The following RBM20 variants were observed in gnomAD, a reference collection of about 807,000 sequenced individuals.
RBM20 encodes RNA-binding protein 20.
RBM20 carries 51 observed loss-of-function variants against 110.1 expected under a neutral mutation model. The observed-to-expected ratio is 0.46, with a 90% confidence interval of 0.37 to 0.59. The LOEUF is 0.59. Among genes scored for constraint, RBM20 ranks in the 20% least tolerant of loss-of-function variants. The probability of loss-of-function intolerance (pLI) is 0.00; values close to 1 mark genes in which losing one functional copy is unlikely to be tolerated. For missense variants in RBM20, 1,512 were observed against 1,574.9 expected (o/e 0.96, Z 0.68); for synonymous variants, 589 against 618.2 (o/e 0.95, Z 0.70).
At chr10:110,708,338 T>C (rs989333106) in intron 1 of RBM20, among the ~76,000 whole-genome samples, 1 of 152,246 alleles carries the variant, frequency 6.6e-6, no homozygotes, top group Admixed American at 6.5e-5. Context: ...TTAATCCTAA[T>C]CTTAACTAAC....
At chr10:110,708,148 T>A (rs1417656277) in intron 1 of RBM20, among the ~76,000 whole-genome samples, 1 of 152,182 alleles carries the variant, frequency 6.6e-6, no homozygotes, top group Admixed American at 6.5e-5. Flanking sequence ...TAGGGCCCCA[T>A]GCTTAAAGGG....
chr10:110,767,726 C>G (rs1194884707), intron 1 of RBM20, among the ~76,000 whole-genome samples: 1 of 145,408 alleles, frequency 6.9e-6, no homozygotes, highest in Admixed American at 6.9e-5. Context: ...ACATCTCAGA[C>G]GATGGGCGGC....
chr10:110,657,259 C>T (rs1464602154), intron 1 of RBM20, among the ~76,000 whole-genome samples: 1 of 152,006 alleles, frequency 6.6e-6, no homozygotes, highest in Non-Finnish European at 1.5e-5. Context: ...TCGTGATCCA[C>T]CTGCCTTGAC....
At chr10:110,731,653 C>CTCG (rs1843621980) in intron 1 of RBM20, among the ~76,000 whole-genome samples, 3 of 151,402 alleles carry the variant, frequency 2.0e-5, no homozygotes, top group South Asian at 2.1e-4. Context: ...TCATTTCTCC[C>CTCG]TCTTGTTATC....
intron 9 of RBM20, among the ~76,000 whole-genome samples, chr10:110,815,697 C>T (rs1844829149): frequency 6.6e-6 from 1 of 152,226 alleles, no homozygotes; most frequent in Non-Finnish European, 1.5e-5. Flanking sequence ...CTCATTTCTT[C>T]TACTGTTTTA....
chr10:110,808,275 G>A (rs993969086), intron 7 of RBM20, among the ~76,000 whole-genome samples: 1 of 152,224 alleles, frequency 6.6e-6, no homozygotes, highest in Non-Finnish European at 1.5e-5. Flanking sequence ...GACATCCTGG[G>A]CAGCAGCTTT....
At position 110,784,372 on chromosome 10, in the gene RBM20, GA is replaced by G. The variant is rs1164776026; in HGVS notation, c.1370del (p.Glu457GlyfsTer95). On this transcript the variant is annotated frameshift_variant, in exon 4 of 14. Transcript: ENST00000369519. LOFTEE classifies it high-confidence loss of function. ...AGIRCILGSA[E>X]GTLCASPNST... ...CATCCGGTGTATACTTGGTTCGGCA[GA>G]GGGAACATTGTGTGCTTCTCCCAAC... The G allele has an allele frequency of 1.3e-6, 2 of 1,551,366 alleles. No individual in the cohort carries two copies. Among genetic ancestry groups the G allele is most frequent in the South Asian group, 2.4e-5 (2 of 84,038 alleles).
rs200428440 is a variant in RBM20 at position 110,759,608 on chromosome 10, G to T, written c.192-21193G>T. On this transcript the variant is annotated intron_variant, in intron 1 of 13. Coordinates refer to ENST00000369519, the MANE Select transcript of RBM20 (RefSeq NM_001134363.3). ...GCAGCCACTGGCTAGTCCCAGCAGG[G>T]GCAGAGGGAGGGGCAATGGCAGGGA... 9.2e-5 allele frequency among the ~76,000 whole-genome samples: 14 copies of T among 152,318 alleles called. No homozygotes were observed. In the East Asian group the frequency reaches 2.7e-3, roughly 29 times the overall value.
chr10:110,658,317 G>A (rs931733057), intron 1 of RBM20, among the ~76,000 whole-genome samples: 5 of 152,200 alleles, frequency 3.3e-5, no homozygotes, highest in African/African-American at 9.7e-5. Context: ...TGATGCAACA[G>A]TGCTGGGGGG....
At chr10:110,717,696 T>A (rs774195205) in intron 1 of RBM20, among the ~76,000 whole-genome samples, 27 of 152,224 alleles carry the variant, frequency 1.8e-4, no homozygotes, top group Non-Finnish European at 3.1e-4. Context: ...TTGCTCCATC[T>A]GCCTGCCACA....
At chr10:110,758,065 C>G (rs934829057) in intron 1 of RBM20, among the ~76,000 whole-genome samples, 1 of 127,486 alleles carries the variant, frequency 7.8e-6, no homozygotes, top group Non-Finnish European at 1.6e-5. Flanking sequence ...GTCATCCAGG[C>G]TAGAGTGCAG....
At chr10:110,724,070 T>C (rs1843537454) in intron 1 of RBM20, among the ~76,000 whole-genome samples, 1 of 152,144 alleles carries the variant, frequency 6.6e-6, no homozygotes, top group Admixed American at 6.5e-5. Context: ...AGTTACCGGG[T>C]AAGAGACCAA....
At chr10:110,735,243 G>C (rs1023409559) in intron 1 of RBM20, among the ~76,000 whole-genome samples, 1 of 152,122 alleles carries the variant, frequency 6.6e-6, no homozygotes, top group South Asian at 2.1e-4. Flanking sequence ...AGTATATATA[G>C]AATTTGGTAC....
rs1288656443 is a variant in RBM20, at chr10:110,836,948, CAG to C, written c.*973_*974del. 2.0e-5 allele frequency: 3 copies of C among 152,260 alleles called. No individual in the cohort carries two copies. The allele number at this position is 152,260 out of a possible 1,614,324, so 9.4% of individuals were successfully genotyped here. A position where few individuals can be genotyped will look rare whatever the true frequency, so the allele number is the denominator to read the frequency against. ...AGGCACAGCTCCAGGCTGTGGAAAA[CAG>C]AGTTGTCTTGGGGGTTAAATGAGCT... On this transcript the variant is annotated 3_prime_UTR_variant, in exon 14 of 14. Transcript: ENST00000369519.
chr10:110,734,718 GT>G (rs1405658734), intron 1 of RBM20, among the ~76,000 whole-genome samples: 1 of 145,498 alleles, frequency 6.9e-6, no homozygotes, highest in Non-Finnish European at 1.5e-5. Flanking sequence ...TTTCTCATTT[GT>G]AAAATAGGGC....
At chr10:110,709,064 C>T (rs1268641521) in intron 1 of RBM20, among the ~76,000 whole-genome samples, 1 of 152,116 alleles carries the variant, frequency 6.6e-6, no homozygotes, top group Non-Finnish European at 1.5e-5. Context: ...GTTCTCCTCA[C>T]CTCATCCCTC....
At chr10:110,778,172 C>A (rs765511836) in intron 1 of RBM20, among the ~76,000 whole-genome samples, 18 of 152,220 alleles carry the variant, frequency 1.2e-4, no homozygotes, top group Non-Finnish European at 1.8e-4. Context: ...GCTGTAACTA[C>A]CTTTAACTTT....
intron 1 of RBM20, among the ~76,000 whole-genome samples, chr10:110,697,638 G>A (rs1862685840): frequency 6.6e-6 from 1 of 152,204 alleles, no homozygotes; most frequent in Non-Finnish European, 1.5e-5. Flanking sequence ...ACCCATGCTG[G>A]TTGTTTCCTG....
intron 1 of RBM20, among the ~76,000 whole-genome samples, chr10:110,747,302 G>A (rs1040802348): frequency 8.0e-5 from 12 of 150,604 alleles, no homozygotes; most frequent in South Asian, 2.1e-4. Context: ...TTTTTGGGGG[G>A]GGGGGTCATT....
Sources: gnomAD v4.1 joint callset for allele counts (sites outside exome capture counted in the v4.1 genomes callset) on GRCh38, gnomAD v4.1.1 for gene constraint, MANE v1.5 for transcripts, NCBI Gene and HGNC (gene_info 2026-07-23, HGNC 2026-07-21) for gene names.